ANKRD30B: variants seen among roughly 807,000 people sequenced by gnomAD.
ANKRD30B encodes ankyrin repeat domain 30B.
In ANKRD30B, 144 loss-of-function variants were observed where a neutral mutation model predicts 202.2. The observed-to-expected ratio is 0.71, with a 90% confidence interval of 0.62 to 0.82. The LOEUF is 0.82. Ranked by LOEUF, ANKRD30B falls within the 40% of genes least tolerant of loss-of-function variation. The pLI is 0.00. For synonymous variants in ANKRD30B, 508 were observed against 561.3 expected (o/e 0.91, Z 1.34); for missense variants, 1,487 against 1,669.1 (o/e 0.89, Z 1.90).
At chr18:14,766,268 G>A (rs757301096) in intron 7 of ANKRD30B, among the ~76,000 whole-genome samples, 7 of 151,428 alleles carry the variant, frequency 4.6e-5, no homozygotes, top group Non-Finnish European at 1.0e-4. Context: ...GTCAGGAGAT[G>A]GAGACCATCC....
intron 14 of ANKRD30B, 93 bp from the exon 15 acceptor site, chr18:14,786,946 C>CAGT: frequency 1.1e-5 from 14 of 1,274,328 alleles, no homozygotes; most frequent in Non-Finnish European, 1.5e-5. Context: ...GGAAAAACTA[C>CAGT]AGATTCGTGA....
chr18:14,783,634 A>C (rs2143869618), intron 12 of ANKRD30B, among the ~76,000 whole-genome samples: 1 of 152,228 alleles, frequency 6.6e-6, no homozygotes, highest in Non-Finnish European at 1.5e-5. Context: ...GTGGTGACTT[A>C]ACAATATAAA....
rs962927420 is a variant in ANKRD30B, at chr18:14,804,844, T to A, written c.2284+1020T>A. On this transcript the variant is annotated intron_variant, in intron 24 of 43. Transcript: ENST00000690538. ...GATTACTTTTGCTAAAGAAGAGAGA[T>A]TATGAGGCAGGAAGCAGGGGACAAG... Among the ~76,000 whole-genome samples, 21 of 150,568 alleles carry A rather than the reference T, an allele frequency of 1.4e-4. 1 individual carries two copies. The highest frequency in any genetic ancestry group is 3.9e-4 in the East Asian group (2 of 5,164).
At chr18:14,923,069 C>T in the ANKRD30B span, among the ~76,000 whole-genome samples, 7 of 152,182 alleles carry the variant, frequency 4.6e-5, no homozygotes, top group African/African-American at 1.4e-4. Context: ...CATCACCTGC[C>T]GAATAAAGAG....
intron 6 of ANKRD30B, among the ~76,000 whole-genome samples, chr18:14,762,699 A>T (rs986291805): frequency 5.9e-5 from 9 of 152,256 alleles, no homozygotes; most frequent in African/African-American, 1.9e-4. Context: ...AACACAAAAA[A>T]TTATAAAAAA....
intron 14 of ANKRD30B, among the ~76,000 whole-genome samples, chr18:14,785,419 T>C (rs1968017856): frequency 6.6e-6 from 1 of 152,234 alleles, no homozygotes; most frequent in South Asian, 2.1e-4. Flanking sequence ...TGTATGACAG[T>C]AGCATAGTTA....
chr18:14,757,949 A>T lies in ANKRD30B; in HGVS notation c.752A>T (p.Asn251Ile). 6.3e-7 allele frequency: 1 copy of T among 1,587,450 alleles called. No homozygotes were observed. Among genetic ancestry groups the T allele is most frequent in the Non-Finnish European group, 8.6e-7 (1 of 1,165,826 alleles). The change falls in exon 5 of 44, where the codon AAT becomes ATT. Residue 251 changes from asparagine (N) to isoleucine (I), a missense_variant. Transcript: ENST00000690538. ...CGTTATGCTGCTGCTTGTGGAGTTA[A>T]TTAGTAAGTGTTTACATTTAAAGGC... Reference protein sequence around the residue: ...AERYAAACGVNYIHQQLLEHI... With the variant: ...AERYAAACGVIYIHQQLLEHI...
chr18:14,928,263 T>G, the ANKRD30B span, among the ~76,000 whole-genome samples: 1 of 152,152 alleles, frequency 6.6e-6, no homozygotes, highest in Non-Finnish European at 1.5e-5. Context: ...TCACCACGCC[T>G]GGCCATGTGA....
At chr18:14,801,828 TCAAA>T (rs1343945317) in intron 22 of ANKRD30B, among the ~76,000 whole-genome samples, 2 of 23,912 alleles carry the variant, frequency 8.4e-5, no homozygotes, top group African/African-American at 2.9e-4. Flanking sequence ...GCAGAGTCAA[TCAAA>T]CTAAGTAATA....
intron 28 of ANKRD30B, among the ~76,000 whole-genome samples, chr18:14,810,525 C>CTT (rs1331220747): frequency 1.3e-5 from 2 of 151,054 alleles, no homozygotes; most frequent in Non-Finnish European, 2.9e-5. Flanking sequence ...GAATTCTGAT[C>CTT]TTTACTTTGA....
intron 26 of ANKRD30B, among the ~76,000 whole-genome samples, chr18:14,809,450 G>A (rs1472927529): frequency 6.6e-6 from 1 of 150,780 alleles, no homozygotes; most frequent in Non-Finnish European, 1.5e-5. Flanking sequence ...TCTCAGAAGG[G>A]AGTATGCCTT....
intron 16 of ANKRD30B, among the ~76,000 whole-genome samples, chr18:14,793,766 T>C (rs1598628256): frequency 6.6e-6 from 1 of 151,354 alleles, no homozygotes; most frequent in Non-Finnish European, 1.5e-5. Flanking sequence ...TGGCGGTGGG[T>C]GCCTGTAGTC....
intron 34 of ANKRD30B, among the ~76,000 whole-genome samples, chr18:14,833,340 C>A (rs1459553608): frequency 6.6e-6 from 1 of 152,108 alleles, no homozygotes; most frequent in Non-Finnish European, 1.5e-5. Flanking sequence ...GCCCCACCTC[C>A]CGGGTTCACA....
At chr18:14,777,928 C>T (rs1967479925) in intron 9 of ANKRD30B, 57 bp from the exon 10 acceptor site, 3 of 1,318,390 alleles carry the variant, frequency 2.3e-6, no homozygotes, top group Admixed American at 2.2e-5. Context: ...GAGACTTCAT[C>T]TCAAAAAAAC....
In ANKRD30B at chr18:14,789,395, T is replaced by A. The variant is rs1415470852; in HGVS notation, c.1735-2006T>A. Among the ~76,000 whole-genome samples, 5 of 152,286 alleles carry A rather than the reference T, an allele frequency of 3.3e-5. No individual in the cohort carries two copies. The South Asian group carries it at 1.0e-3, about 32-fold the overall frequency. On this transcript the variant is annotated intron_variant, in intron 15 of 43. Coordinates refer to ENST00000690538, the MANE Select transcript of ANKRD30B (RefSeq NM_001367607.2). ...GCTGTGCAGAAGCTCTTTAGTTTAA[T>A]GAGATCCCATTTGTCAATTTTGGCT...
intron 6 of ANKRD30B, among the ~76,000 whole-genome samples, chr18:14,762,084 T>C (rs1327110278): frequency 6.6e-6 from 1 of 152,138 alleles, no homozygotes; most frequent in African/African-American, 2.4e-5. Context: ...GAGGAAAAAA[T>C]ATATTCACTA....
intron 5 of ANKRD30B, chr18:14,759,428 A>T (rs1314899264): frequency 6.6e-6 from 1 of 152,250 alleles, no homozygotes; most frequent in East Asian, 1.9e-4. Flanking sequence ...CTATGAAATG[A>T]GATGTGGTAA....
At chr18:14,893,067 A>G in the ANKRD30B span, among the ~76,000 whole-genome samples, 2 of 152,194 alleles carry the variant, frequency 1.3e-5, no homozygotes, top group Non-Finnish European at 2.9e-5. Context: ...ATTGCTTGAC[A>G]TATTTAAAAA....
chr18:14,884,978 T>C, the ANKRD30B span, among the ~76,000 whole-genome samples: 1 of 152,196 alleles, frequency 6.6e-6, no homozygotes, highest in East Asian at 1.9e-4. Flanking sequence ...TAGTTACACA[T>C]GAAGTTTTAA....
Sources: allele counts gnomAD v4.1 joint callset (sites outside exome capture counted in the v4.1 genomes callset), GRCh38; gene constraint gnomAD v4.1.1; transcripts MANE v1.5; gene names NCBI Gene and HGNC (gene_info 2026-07-23, HGNC 2026-07-21).